ROBO2: variants seen among roughly 807,000 people sequenced by gnomAD.
ROBO2 encodes roundabout homolog 2.
In ROBO2, 53 loss-of-function variants were observed where a neutral mutation model predicts 160.8. The ratio of observed to expected loss-of-function variants is 0.33; its 90% CI spans 0.26 to 0.41. The LOEUF is 0.41. Among genes scored for constraint, ROBO2 ranks in the 10% least tolerant of loss-of-function variants. The pLI, the probability that ROBO2 is intolerant of heterozygous loss-of-function variation, is 1.00. For synonymous variants in ROBO2, 664 were observed against 611.7 expected (o/e 1.09, Z -1.26); for missense variants, 1,577 against 1,722.4 (o/e 0.92, Z 1.49).
At chr3:76,901,497 G>A (rs2075224899) in intron 2 of ROBO2, among the ~76,000 whole-genome samples, 1 of 145,882 alleles carries the variant, frequency 6.9e-6, no homozygotes, top group African/African-American at 2.5e-5. Context: ...GAAACTGGGA[G>A]GCAGAGGTTA....
intron 2 of ROBO2, among the ~76,000 whole-genome samples, chr3:76,986,953 T>A (rs1212795742): frequency 1.3e-5 from 2 of 152,120 alleles, no homozygotes; most frequent in African/African-American, 2.4e-5. Flanking sequence ...CCACACTAAC[T>A]AAAATGAACG....
chr3:77,116,143 T>C (rs1012303813), intron 2 of ROBO2, among the ~76,000 whole-genome samples: 2 of 152,208 alleles, frequency 1.3e-5, no homozygotes, highest in Non-Finnish European at 1.5e-5. Flanking sequence ...GAGAAATCAG[T>C]AATGTTTGTG....
At chr3:77,624,242 T>C (rs2094959258) in intron 23 of ROBO2, among the ~76,000 whole-genome samples, 1 of 152,156 alleles carries the variant, frequency 6.6e-6, no homozygotes, top group Non-Finnish European at 1.5e-5. Context: ...TTTTCCTTTC[T>C]CTTCCACAAT....
chr3:76,587,088 G>T (rs149565831), intron 2 of ROBO2, among the ~76,000 whole-genome samples: 21 of 152,314 alleles, frequency 1.4e-4, no homozygotes, highest in Admixed American at 5.9e-4. Flanking sequence ...AGGAAGGGGG[G>T]TAGATAGACT....
chr3:76,277,093 G>A (rs988168543), intron 2 of ROBO2, among the ~76,000 whole-genome samples: 3 of 152,020 alleles, frequency 2.0e-5, no homozygotes, highest in Admixed American at 1.3e-4. Flanking sequence ...AACCACCCAT[G>A]TGGACAATCT....
intron 1 of ROBO2, among the ~76,000 whole-genome samples, chr3:77,085,271 T>G (rs2069156151): frequency 1.3e-5 from 2 of 152,140 alleles, no homozygotes; most frequent in African/African-American, 4.8e-5. Flanking sequence ...TATTTATTAT[T>G]TTAATGCATT....
chr3:76,810,959 C>T (rs1156320949), intron 2 of ROBO2, among the ~76,000 whole-genome samples: 1 of 152,036 alleles, frequency 6.6e-6, no homozygotes, highest in African/African-American at 2.4e-5. Context: ...AAGTTACTTG[C>T]CTAATGAACC....
At chr3:75,922,910 T>A (rs1405937116) in intron 1 of ROBO2, among the ~76,000 whole-genome samples, 1 of 152,220 alleles carries the variant, frequency 6.6e-6, no homozygotes, top group African/African-American at 2.4e-5. Context: ...TGCATGTTCA[T>A]ACCTGGATAA....
intron 2 of ROBO2, among the ~76,000 whole-genome samples, chr3:76,921,317 G>T (rs979802879): frequency 6.6e-6 from 1 of 152,022 alleles, no homozygotes; most frequent in Admixed American, 6.6e-5. Flanking sequence ...CCATTATAAG[G>T]TATCTAATTT....
In ROBO2 at chr3:77,339,226, G is replaced by T. The variant is rs1410410050; in HGVS notation, c.389-138188G>T. ...ATATATATTCCGTATGGTTGAAGTA[G>T]ACACATTGAGGATTAGAGTTAGAAG... On this transcript the variant is annotated intron_variant, in intron 2 of 25. Transcript: ENST00000461745. Among the ~76,000 whole-genome samples the T allele has an allele frequency of 5.9e-4, 90 of 151,850 alleles. 1 individual carries two copies. Among genetic ancestry groups the T allele is most frequent in the Non-Finnish European group, 5.9e-5 (4 of 67,946 alleles).
At chr3:77,246,887 G>C (rs922819000) in intron 2 of ROBO2, among the ~76,000 whole-genome samples, 1 of 152,104 alleles carries the variant, frequency 6.6e-6, no homozygotes, top group Non-Finnish European at 1.5e-5. Context: ...TCCAGGCAAG[G>C]AAACAGGAAA....
At chr3:75,945,913 T>C (rs1042765038) in intron 2 of ROBO2, among the ~76,000 whole-genome samples, 3 of 152,130 alleles carry the variant, frequency 2.0e-5, no homozygotes, top group Middle Eastern at 3.2e-3. Flanking sequence ...TAGGCAGTGG[T>C]AATGAGTTAA....
chr3:76,863,394 C>T (rs1047682846), intron 2 of ROBO2, among the ~76,000 whole-genome samples: 1 of 148,960 alleles, frequency 6.7e-6, no homozygotes, highest in Middle Eastern at 3.5e-3. Context: ...GCTGTGATTA[C>T]GTCACTCCAT....
chr3:77,629,864 T>G (rs1333031256), intron 23 of ROBO2: 5 of 152,218 alleles, frequency 3.3e-5, no homozygotes, highest in Non-Finnish European at 4.4e-5. Context: ...ATTTCTAATG[T>G]ACAATGTCAC....
At chr3:77,250,568 G>A (rs566837880) in intron 2 of ROBO2, among the ~76,000 whole-genome samples, 5 of 152,178 alleles carry the variant, frequency 3.3e-5, no homozygotes, top group East Asian at 1.9e-4. Context: ...TTTTTTCCCC[G>A]GAATCACACA....
intron 17 of ROBO2, 68 bp downstream of exon 18, chr3:77,589,001 C>G (rs1163760598): frequency 1.3e-6 from 2 of 1,563,554 alleles, no homozygotes; most frequent in Non-Finnish European, 1.8e-6. Flanking sequence ...ATGGAAGGAA[C>G]AGAAAGGAAT....
intron 2 of ROBO2, among the ~76,000 whole-genome samples, chr3:76,898,459 C>T (rs1213277966): frequency 6.6e-6 from 1 of 151,968 alleles, no homozygotes; most frequent in Non-Finnish European, 1.5e-5. Flanking sequence ...AACTTTAATA[C>T]ACATACACAT....
intron 2 of ROBO2, among the ~76,000 whole-genome samples, chr3:76,172,353 C>T (rs537990589): frequency 4.5e-4 from 67 of 150,162 alleles, no homozygotes; most frequent in Non-Finnish European, 6.8e-4. Context: ...ATGGGTGCAG[C>T]GCATCAACAT....
chr3:76,785,210 T>A (rs191374493), intron 2 of ROBO2, among the ~76,000 whole-genome samples: 1 of 151,358 alleles, frequency 6.6e-6, no homozygotes, highest in African/African-American at 2.4e-5. Flanking sequence ...ATTAAAGTAT[T>A]TCCATTACTT....
Sources: allele counts gnomAD v4.1 joint callset (sites outside exome capture counted in the v4.1 genomes callset), GRCh38; gene constraint gnomAD v4.1.1; transcripts MANE v1.5; gene names NCBI Gene and HGNC (gene_info 2026-07-23, HGNC 2026-07-21).